Variants in KCND2 observed in about 807,000 individuals in gnomAD.
The protein encoded by KCND2 is potassium voltage-gated channel subfamily D member 2.
In KCND2, 16 loss-of-function variants were observed where a neutral mutation model predicts 54.4. The observed-to-expected ratio is 0.29, with a 90% CI of 0.20 to 0.45. The LOEUF (loss-of-function observed/expected upper bound fraction) is 0.45. Among genes scored for constraint, KCND2 ranks in the 20% least tolerant of loss-of-function variants. The pLI is 1.00. For synonymous variants in KCND2, 317 were observed against 310.7 expected (o/e 1.02, Z -0.21); for missense variants, 486 against 824.2 (o/e 0.59, Z 5.02).
rs753286975 is a variant in KCND2 at position 120,517,010 on chromosome 7, T to TA, written c.1116-215893_1116-215892insA. Among the ~76,000 whole-genome samples, 312 of 152,274 alleles carry TA rather than the reference T, an allele frequency of 2.0e-3. 1 individual carries two copies. Among genetic ancestry groups the TA allele is most frequent in the Non-Finnish European group, 3.4e-3 (234 of 68,010 alleles). On this transcript the variant is annotated intron_variant, in intron 1 of 5. Coordinates refer to ENST00000331113, the MANE Select transcript of KCND2 (RefSeq NM_012281.3). ...ATTTTATTTTCTCCAAAGGAAACTATTTGATCCAGTAAAATAATTTTATGT... is the reference window on the plus strand; with the variant it reads ...ATTTTATTTTCTCCAAAGGAAACTATATTGATCCAGTAAAATAATTTTATGT...
At chr7:120,738,978 G>A (rs1792908130) in intron 2 of KCND2, among the ~76,000 whole-genome samples, 2 of 151,958 alleles carry the variant, frequency 1.3e-5, no homozygotes, top group Non-Finnish European at 2.9e-5. Flanking sequence ...AAATTTAGAT[G>A]GGAAGTTCTT....
intron 1 of KCND2, among the ~76,000 whole-genome samples, chr7:120,416,147 CT>C (rs909185790): frequency 2.6e-5 from 4 of 152,234 alleles, no homozygotes; most frequent in South Asian, 2.1e-4. Flanking sequence ...TCTTAGAGCT[CT>C]TTTTTTATAC....
intron 1 of KCND2, among the ~76,000 whole-genome samples, chr7:120,484,230 G>A (rs925134394): frequency 2.0e-5 from 3 of 152,080 alleles, no homozygotes; most frequent in Non-Finnish European, 2.9e-5. Flanking sequence ...TTCCTTTCCA[G>A]TAGTTATGAT....
At chr7:120,485,787 C>T (rs1802684351) in intron 1 of KCND2, among the ~76,000 whole-genome samples, 1 of 152,142 alleles carries the variant, frequency 6.6e-6, no homozygotes, top group East Asian at 1.9e-4. Context: ...GCACATATAA[C>T]ATATTTTTTG....
chr7:120,695,265 A>G (rs535616629), intron 1 of KCND2, among the ~76,000 whole-genome samples: 4 of 151,670 alleles, frequency 2.6e-5, no homozygotes, highest in African/African-American at 9.7e-5. Context: ...CTTGTTTTAT[A>G]TATGTATCCC....
At chr7:120,680,424 T>C (rs760470160) in intron 1 of KCND2, among the ~76,000 whole-genome samples, 6 of 152,142 alleles carry the variant, frequency 3.9e-5, no homozygotes, top group Non-Finnish European at 8.8e-5. Flanking sequence ...AACAACTGTT[T>C]CATCGCCGTA....
intron 1 of KCND2, among the ~76,000 whole-genome samples, chr7:120,385,245 A>G (rs1362456435): frequency 6.6e-6 from 1 of 151,636 alleles, no homozygotes; most frequent in Non-Finnish European, 1.5e-5. Context: ...TGCCTGCCTC[A>G]GCCTCTCAAA....
chr7:120,625,227 T>A (rs1434302980), intron 1 of KCND2, among the ~76,000 whole-genome samples: 1 of 152,190 alleles, frequency 6.6e-6, no homozygotes, highest in Non-Finnish European at 1.5e-5. Context: ...AGTAACTAAT[T>A]GGCAGAGGAA....
rs369666673 is a variant in KCND2, at chr7:120,321,050, A to G, written c.1115+45303A>G. Among the ~76,000 whole-genome samples, 11 of 152,264 alleles carry G rather than the reference A, an allele frequency of 7.2e-5. No individual in the cohort carries two copies. In the South Asian group the frequency reaches 1.4e-3, roughly 20 times the overall value. On this transcript the variant is annotated intron_variant, in intron 1 of 5. Transcript: ENST00000331113. ...AATTCATAGTACCTTCCCAGCATTA[A>G]ATGCTAACCTTTTTTTCCTGTATGT...
chr7:120,548,147 G>A (rs1380360488), intron 1 of KCND2, among the ~76,000 whole-genome samples: 1 of 152,054 alleles, frequency 6.6e-6, no homozygotes, highest in Non-Finnish European at 1.5e-5. Flanking sequence ...GTGGCTAGTA[G>A]GATTTCCAAC....
intron 1 of KCND2, among the ~76,000 whole-genome samples, chr7:120,279,526 C>T (rs11760262): frequency 0.13 from 19,183 of 151,600 alleles, 1,294 homozygotes; most frequent in African/African-American, 0.16. Context: ...ATTATTTTAA[C>T]GATATAAATT....
intron 1 of KCND2, among the ~76,000 whole-genome samples, chr7:120,539,657 C>T (rs535018318): frequency 8.5e-5 from 13 of 152,230 alleles, no homozygotes; most frequent in African/African-American, 2.2e-4. Context: ...TGTATATATA[C>T]GTTACACCAT....
intron 1 of KCND2, among the ~76,000 whole-genome samples, chr7:120,474,044 G>A (rs1802499286): frequency 6.6e-6 from 1 of 152,174 alleles, no homozygotes; most frequent in Non-Finnish European, 1.5e-5. Flanking sequence ...TCTTGCAGGA[G>A]CTCTACTTAC....
At chr7:120,532,662 T>C (rs1014107690) in intron 1 of KCND2, among the ~76,000 whole-genome samples, 1 of 151,556 alleles carries the variant, frequency 6.6e-6, no homozygotes, top group African/African-American at 2.4e-5. Flanking sequence ...AGTTGGGAAA[T>C]GATACCAAAA....
chr7:120,430,006 A>G (rs1801767234), intron 1 of KCND2, among the ~76,000 whole-genome samples: 1 of 152,228 alleles, frequency 6.6e-6, no homozygotes, highest in East Asian at 1.9e-4. Context: ...ATACCAGCAG[A>G]TTTTAATATT....
intron 1 of KCND2, among the ~76,000 whole-genome samples, chr7:120,711,717 G>C (rs533888133): frequency 5.3e-5 from 8 of 152,116 alleles, no homozygotes; most frequent in Non-Finnish European, 1.0e-4. Context: ...AGGTTTAGTT[G>C]ATAAAATATT....
intron 1 of KCND2, among the ~76,000 whole-genome samples, chr7:120,518,138 G>A (rs1260003075): frequency 6.6e-6 from 1 of 152,022 alleles, no homozygotes; most frequent in East Asian, 1.9e-4. Context: ...AAAATGAACA[G>A]GAAAGCACAC....
intron 1 of KCND2, among the ~76,000 whole-genome samples, chr7:120,617,117 T>A (rs1793036040): frequency 6.6e-6 from 1 of 152,132 alleles, no homozygotes; most frequent in South Asian, 2.1e-4. Context: ...GCATGGGTAA[T>A]TTATATTCCA....
intron 1 of KCND2, among the ~76,000 whole-genome samples, chr7:120,284,081 A>G (rs766353069): frequency 3.9e-5 from 6 of 152,140 alleles, no homozygotes; most frequent in African/African-American, 9.7e-5. Context: ...CAACATAAAA[A>G]TGCAAAAAAA....
Sources: allele counts gnomAD v4.1 joint callset (sites outside exome capture counted in the v4.1 genomes callset), GRCh38; gene constraint gnomAD v4.1.1; transcripts MANE v1.5; gene names NCBI Gene and HGNC (gene_info 2026-07-23, HGNC 2026-07-21).